BCKDHB: variants seen among roughly 807,000 people sequenced by gnomAD.
The protein encoded by BCKDHB is 2-oxoisovalerate dehydrogenase subunit beta, mitochondrial.
A neutral mutation model predicts 48.5 loss-of-function variants in BCKDHB; 41 were observed. That is an observed-to-expected ratio of 0.85 (90% CI 0.66 to 1.10). The LOEUF (loss-of-function observed/expected upper bound fraction) is 1.10. BCKDHB is among the 50% of genes least tolerant of loss of function. The pLI, the probability that BCKDHB is intolerant of heterozygous loss-of-function variation, is 0.00. For synonymous variants in BCKDHB, 201 were observed against 174.8 expected (o/e 1.15, Z -1.18); for missense variants, 496 against 494.2 (o/e 1.00, Z -0.03).
intron 6 of BCKDHB, among the ~76,000 whole-genome samples, chr6:80,179,207 TTTTTTGAGTTTTTGAGAAACTCAA>T (rs1415228150): frequency 2.6e-5 from 4 of 152,060 alleles, no homozygotes; most frequent in East Asian, 1.9e-4. Flanking sequence ...ATTTCTCAAT[TTTTTTGAGTTTTTGAGAAACTCAA>T]TTTTTGAGTT....
chr6:80,340,392 C>T (rs1769825350), intron 9 of BCKDHB, among the ~76,000 whole-genome samples: 1 of 152,162 alleles, frequency 6.6e-6, no homozygotes, highest in Non-Finnish European at 1.5e-5. Context: ...ACACTATAAT[C>T]TGCTTTGGAG....
At chr6:80,325,625 C>T (rs1582571696) in intron 9 of BCKDHB, among the ~76,000 whole-genome samples, 1 of 152,282 alleles carries the variant, frequency 6.6e-6, no homozygotes, top group East Asian at 1.9e-4. Flanking sequence ...TGGTGGTGAT[C>T]ACATTCTTAA....
the BCKDHB span, among the ~76,000 whole-genome samples, chr6:80,453,871 C>T: frequency 6.6e-6 from 1 of 152,242 alleles, no homozygotes; most frequent in Non-Finnish European, 1.5e-5. Context: ...TCCTTCTCCC[C>T]TCCATTTTCA....
chr6:80,180,370 C>T lies in BCKDHB; in HGVS notation c.742+8980C>T, dbSNP rs184930549. On this transcript the variant is annotated intron_variant, in intron 6 of 9. Transcript: ENST00000320393. The stretch of plus-strand genomic sequence containing the variant: ...AAAAGGTAGATAAGGCAGAAAAATC[C>T]AGCTGGTGTAAAAAATGTACAAAAT... 3.0e-3 allele frequency among the ~76,000 whole-genome samples: 453 copies of T among 152,106 alleles called. 1 individual carries two copies. The highest frequency in any genetic ancestry group is 0.011 in the African/African-American group (438 of 41,490).
At chr6:80,133,571 G>A (rs1484897799) in intron 3 of BCKDHB, among the ~76,000 whole-genome samples, 1 of 152,174 alleles carries the variant, frequency 6.6e-6, no homozygotes, top group East Asian at 1.9e-4. Context: ...AGCAGGGAGT[G>A]GGAGAGGGCA....
intron 6 of BCKDHB, among the ~76,000 whole-genome samples, chr6:80,192,883 A>G (rs1428623156): frequency 1.4e-5 from 2 of 148,096 alleles, no homozygotes; most frequent in Non-Finnish European, 3.0e-5. Context: ...CAGTGGTGTG[A>G]TCTCAGCTCA....
At chr6:80,123,426 C>G (rs1292743087) in intron 1 of BCKDHB, among the ~76,000 whole-genome samples, 1 of 152,206 alleles carries the variant, frequency 6.6e-6, no homozygotes, top group African/African-American at 2.4e-5. Context: ...CAGCCAGTCC[C>G]TCCATTTGGG....
chr6:80,221,427 A>G (rs1335764851), intron 8 of BCKDHB, among the ~76,000 whole-genome samples: 2 of 152,166 alleles, frequency 1.3e-5, no homozygotes, highest in Non-Finnish European at 1.5e-5. Context: ...CTTGAACTGG[A>G]AAGTTTTCTC....
At chr6:80,309,072 T>A (rs1027713567) in intron 9 of BCKDHB, among the ~76,000 whole-genome samples, 1 of 149,524 alleles carries the variant, frequency 6.7e-6, no homozygotes, top group Non-Finnish European at 1.5e-5. Context: ...TGTTTTTTGT[T>A]TTTTTTTTTA....
At chr6:80,371,601 T>C in the BCKDHB span, among the ~76,000 whole-genome samples, 4 of 152,152 alleles carry the variant, frequency 2.6e-5, no homozygotes, top group African/African-American at 9.6e-5. Context: ...TCTTCTAGAA[T>C]TTTTATGGTT....
the BCKDHB span, among the ~76,000 whole-genome samples, chr6:80,388,905 G>A: frequency 6.6e-6 from 1 of 152,320 alleles, no homozygotes; most frequent in Middle Eastern, 3.4e-3. Context: ...GAACCCAGTG[G>A]TAGACTTTGC....
the BCKDHB span, among the ~76,000 whole-genome samples, chr6:80,405,986 C>A: frequency 6.6e-6 from 1 of 152,088 alleles, no homozygotes; most frequent in Admixed American, 6.6e-5. Context: ...AGGCCCCCGC[C>A]CCCACCAGGC....
At chr6:80,157,435 G>A (rs113876313) in intron 3 of BCKDHB, among the ~76,000 whole-genome samples, 32 of 149,896 alleles carry the variant, frequency 2.1e-4, no homozygotes, top group African/African-American at 7.6e-4. Flanking sequence ...GATTGTTCTA[G>A]GCACTGGAGA....
At chr6:80,359,454 G>T in the BCKDHB span, among the ~76,000 whole-genome samples, 1 of 152,160 alleles carries the variant, frequency 6.6e-6, no homozygotes. Context: ...TCATTCTTCT[G>T]ATGTTGTGTT....
chr6:80,142,654 A>G (rs537681914), intron 3 of BCKDHB, among the ~76,000 whole-genome samples: 4 of 152,206 alleles, frequency 2.6e-5, no homozygotes, highest in South Asian at 4.1e-4. Flanking sequence ...CCATGCTGCA[A>G]TATTGGCTGT....
rs915660741 is a variant in BCKDHB at position 80,288,312 on chromosome 6, T to C, written c.1038+15091T>C. 3.0e-5 allele frequency among the ~76,000 whole-genome samples: 4 copies of C among 134,548 alleles called. No individual in the cohort carries two copies. In the Admixed American group the frequency reaches 3.4e-4, roughly 11 times the overall value. 88.3% of individuals were successfully genotyped at this position (134,548 alleles called of 152,430 possible). ...CTGTTATTTAATAGTGAATTAAGGA[T>C]CTAGGGAGAATTGTTAAGCATTTAT... On this transcript the variant is annotated intron_variant, in intron 9 of 9. Coordinates refer to ENST00000320393, the MANE Select transcript of BCKDHB (RefSeq NM_183050.4).
At chr6:80,351,314 G>A in the BCKDHB span, among the ~76,000 whole-genome samples, 2 of 152,092 alleles carry the variant, frequency 1.3e-5, no homozygotes, top group African/African-American at 4.8e-5. Context: ...AGGTGTCTAT[G>A]TGTGTGTGTA....
In BCKDHB at chr6:80,138,116, G is replaced by C. The variant is rs576872063; in HGVS notation, c.343+8887G>C. ...TAGTGCAGCAAGGCTGAGAGACTCT[G>C]ATCTATTTCCATGTAATGTGGACAC... On this transcript the variant is annotated intron_variant, in intron 3 of 9. Transcript: ENST00000320393. Among the ~76,000 whole-genome samples the C allele has an allele frequency of 8.6e-5, 13 of 151,948 alleles. No homozygotes were observed. In the South Asian group the frequency reaches 2.7e-3, roughly 32 times the overall value.
intron 1 of BCKDHB, among the ~76,000 whole-genome samples, chr6:80,116,692 G>A (rs1359887296): frequency 6.6e-6 from 1 of 152,218 alleles, no homozygotes; most frequent in African/African-American, 2.4e-5. Context: ...CCTTGATATA[G>A]AAGAAAGTGT....
Sources: allele counts gnomAD v4.1 joint callset (sites outside exome capture counted in the v4.1 genomes callset), GRCh38; gene constraint gnomAD v4.1.1; transcripts MANE v1.5; gene names NCBI Gene and HGNC (gene_info 2026-07-23, HGNC 2026-07-21).